The following PDGFRA variants were observed in gnomAD, a reference collection of about 807,000 sequenced individuals.
PDGFRA encodes platelet-derived growth factor receptor alpha.
Under a neutral mutation model 121.5 loss-of-function variants are expected in PDGFRA, and 25 were observed. The ratio of observed to expected loss-of-function variants is 0.21; its 90% CI spans 0.15 to 0.29. The LOEUF (loss-of-function observed/expected upper bound fraction) is 0.29. PDGFRA is among the 10% of genes least tolerant of loss of function. The pLI is 1.00. For missense variants in PDGFRA, 1,008 were observed against 1,345.1 expected (o/e 0.75, Z 3.92); for synonymous variants, 463 against 494.8 (o/e 0.94, Z 0.85).
At chr4:54,288,386 C>G (rs1020462972) in intron 19 of PDGFRA, among the ~76,000 whole-genome samples, 20 of 152,216 alleles carry the variant, frequency 1.3e-4, no homozygotes, top group African/African-American at 4.3e-4. Context: ...TCCTGTACTC[C>G]CTTAAAAGCA....
At chr4:54,273,147 G>T (rs189438544) in intron 9 of PDGFRA, among the ~76,000 whole-genome samples, 2 of 152,218 alleles carry the variant, frequency 1.3e-5, no homozygotes, top group African/African-American at 4.8e-5. Context: ...ACACCCTAGG[G>T]GCTCTTCCCA....
chr4:54,229,394 C>T lies in PDGFRA; in HGVS notation c.-34C>T. 5 of 398,092 alleles carry T rather than the reference C, an allele frequency of 1.3e-5. No homozygotes were observed. Among genetic ancestry groups the T allele is most frequent in the Non-Finnish European group, 2.2e-5 (5 of 226,008 alleles). 24.7% of individuals were successfully genotyped at this position (398,092 alleles called of 1,614,324 possible). A position where few individuals can be genotyped will look rare whatever the true frequency, so the allele number is the denominator to read the frequency against. ...TACTCCATGTGTGGGACATTCATTG[C>T]GGAATAACATCGGAGGAGAAGGTAA... On this transcript the variant is annotated 5_prime_UTR_variant, in exon 1 of 23. Transcript: ENST00000257290.
chr4:54,280,897 G>T, intron 16 of PDGFRA: 1 of 165,412 alleles, frequency 6.0e-6, no homozygotes, highest in Admixed American at 5.9e-5. Flanking sequence ...GTCTTATGTT[G>T]GTTCCTCACC....
In PDGFRA at chr4:54,232,382, A is replaced by G. The variant is rs116699934; in HGVS notation, c.-13+2967A>G. Among the ~76,000 whole-genome samples, 658 of 152,280 alleles carry G rather than the reference A, an allele frequency of 4.3e-3. 6 individuals are homozygous for G. Among genetic ancestry groups the G allele is most frequent in the African/African-American group, 0.015 (625 of 41,548 alleles). On this transcript the variant is annotated intron_variant, in intron 1 of 22. Coordinates refer to ENST00000257290, the MANE Select transcript of PDGFRA (RefSeq NM_006206.6). ...CGGCATTTCCTTTTGTTTTAAACTG[A>G]TCAATGAGCGAACCTGGGATGGGCT...
intron 21 of PDGFRA, among the ~76,000 whole-genome samples, chr4:54,289,908 T>C (rs771515987): frequency 6.6e-6 from 1 of 152,216 alleles, no homozygotes; most frequent in Non-Finnish European, 1.5e-5. Context: ...AAATAGGGTC[T>C]TTTCACATCC....
chr4:54,253,921 G>A lies in PDGFRA; in HGVS notation c.-12-4836G>A, dbSNP rs532131246. Among the ~76,000 whole-genome samples, 220 of 152,292 alleles carry A rather than the reference G, an allele frequency of 1.4e-3. 1 individual carries two copies. Among genetic ancestry groups the A allele is most frequent in the Admixed American group, 2.4e-3 (37 of 15,296 alleles). On this transcript the variant is annotated intron_variant, in intron 1 of 22. Coordinates refer to ENST00000257290, the MANE Select transcript of PDGFRA (RefSeq NM_006206.6). ...GCTGGTCTTGAACTCCTGACCTCAA[G>A]TGATTCACCCACCTTGGCCTCCCAA...
chr4:54,257,552 G>C (rs1477828534), intron 1 of PDGFRA, among the ~76,000 whole-genome samples: 3 of 152,118 alleles, frequency 2.0e-5, no homozygotes, highest in Non-Finnish European at 4.4e-5. Flanking sequence ...AGACTAACAT[G>C]GTGATTTTTG....
intron 1 of PDGFRA, among the ~76,000 whole-genome samples, chr4:54,240,728 G>A (rs1397686071): frequency 6.6e-6 from 1 of 152,218 alleles, no homozygotes; most frequent in Non-Finnish European, 1.5e-5. Context: ...GAGTCCCAGA[G>A]AACTCGTCAC....
intron 1 of PDGFRA, among the ~76,000 whole-genome samples, chr4:54,236,480 G>A: frequency 6.6e-6 from 1 of 152,170 alleles, no homozygotes; most frequent in East Asian, 1.9e-4. Flanking sequence ...TGAGTAAACT[G>A]TCTGAGTTAT....
intron 16 of PDGFRA, 106 bp downstream of exon 16, chr4:54,280,588 A>T: frequency 1.1e-6 from 1 of 885,924 alleles, no homozygotes; most frequent in South Asian, 1.4e-5. Context: ...TGAACCTGGC[A>T]GCCCACGTGG....
In PDGFRA at chr4:54,280,239, T is replaced by TTGTAGGTCCCCCAG. The variant is rs6148442; in HGVS notation, c.2157-77_2157-76insTGTAGGTCCCCCAG. 0.99 allele frequency: 1,136,191 copies of TTGTAGGTCCCCCAG among 1,148,110 alleles called. 562,897 individuals carry two copies. Among genetic ancestry groups the TTGTAGGTCCCCCAG allele is most frequent in the East Asian group, 1 (41,419 of 41,426 alleles). 71.1% of individuals were successfully genotyped at this position (1,148,110 alleles called of 1,614,324 possible). A position where few individuals can be genotyped will look rare whatever the true frequency, so the allele number is the denominator to read the frequency against. On this transcript the variant is annotated intron_variant, in intron 15 of 22. Coordinates refer to ENST00000257290, the MANE Select transcript of PDGFRA (RefSeq NM_006206.6). The stretch of plus-strand genomic sequence containing the variant: ...CATGCCTACCTCAGTACCTGGCACA[T>TTGTAGGTCCCCCAG]AATCATCATCTACTGAAAGTGGAAT...
Position 54,274,619 on chromosome 4 carries a change from G to A in PDGFRA, c.1647G>A (p.Trp549Ter), listed in dbSNP as rs747156883. 1 of 1,608,188 alleles carries A rather than the reference G, an allele frequency of 6.2e-7. No homozygotes were observed. Among genetic ancestry groups the A allele is most frequent in the Non-Finnish European group, 8.5e-7 (1 of 1,174,576 alleles). ...IISLIVLVVI[W>*]KQKPRYEIRW... ...CACTTATTGTCCTGGTTGTCATTTG[G>A]AAACAGGTAGATATTTTCTCATAAA... Residue 549 changes from tryptophan to a stop codon, truncating the protein, a stop_gained, in exon 11 of 23, where the codon TGG (tryptophan) becomes TGA (stop). Coordinates refer to ENST00000257290, the MANE Select transcript of PDGFRA (RefSeq NM_006206.6). LOFTEE classifies it high-confidence loss of function.
intron 3 of PDGFRA, among the ~76,000 whole-genome samples, chr4:54,262,672 A>G (rs1722814816): frequency 6.6e-6 from 1 of 152,022 alleles, no homozygotes; most frequent in African/African-American, 2.4e-5. Context: ...CTTCCTTCTT[A>G]ACAATTAAAA....
intron 1 of PDGFRA, among the ~76,000 whole-genome samples, chr4:54,245,281 T>C (rs1443858256): frequency 1.3e-5 from 2 of 150,824 alleles, no homozygotes; most frequent in Non-Finnish European, 3.0e-5. Flanking sequence ...TTCACCAAAG[T>C]TGAAGGAAAA....
intron 16 of PDGFRA, among the ~76,000 whole-genome samples, chr4:54,284,598 G>GAGAGAGAGAGAGAGAGAGAGA (rs1724224844): frequency 1.4e-5 from 2 of 141,326 alleles, no homozygotes; most frequent in African/African-American, 5.2e-5. Context: ...GAGAGAGAGA[G>GAGAGAGAGAGAGAGAGAGAGA]GTGCCATACA....
In PDGFRA at chr4:54,265,013, G is replaced by A. The variant is rs1304136511; in HGVS notation, c.723G>A (p.Glu241=). ...IVVTCAVFNN[E]VVDLQWTYPG... ...TCACCTGTGCTGTTTTTAACAATGA[G>A]GTGGTTGACCTTCAATGGACTTACC... The change falls in exon 5 of 23, where the codon GAG becomes GAA. Residue 241 remains glutamate (E), a synonymous_variant. Transcript: ENST00000257290. 6.2e-7 allele frequency: 1 copy of A among 1,613,606 alleles called. No individual in the cohort carries two copies. The highest frequency in any genetic ancestry group is 1.7e-5 in the Admixed American group (1 of 59,946).
At chr4:54,264,744 G>T in intron 4 of PDGFRA, 175 bp from the exon 5 acceptor site, 1 of 588,328 alleles carries the variant, frequency 1.7e-6, no homozygotes. Flanking sequence ...ATGCCTAATT[G>T]TTGTACACCA....
intron 22 of PDGFRA, 106 bp from the exon 23 acceptor site, chr4:54,295,019 A>C (rs946190469): frequency 1.7e-6 from 2 of 1,162,824 alleles, no homozygotes; most frequent in Non-Finnish European, 1.3e-6. Flanking sequence ...CATACTGTGC[A>C]GCCCAAATTT....
chr4:54,293,373 CA>C lies in PDGFRA; in HGVS notation c.3123-1751del, dbSNP rs112862643. ...CTTCTGTCAAGAGGTATGCACTGTC[CA>C]GTTGTCTGCCTTTTGTAACATTATC... On this transcript the variant is annotated intron_variant, in intron 22 of 22. Transcript: ENST00000257290. 6.5e-3 allele frequency among the ~76,000 whole-genome samples: 987 copies of C among 151,488 alleles called. 11 individuals carry two copies. Among genetic ancestry groups the C allele is most frequent in the African/African-American group, 0.023 (935 of 41,304 alleles).
Sources: allele counts gnomAD v4.1 joint callset (sites outside exome capture counted in the v4.1 genomes callset), GRCh38; gene constraint gnomAD v4.1.1; transcripts MANE v1.5; gene names NCBI Gene and HGNC (gene_info 2026-07-23, HGNC 2026-07-21).